The following ZNF503 variants were observed in gnomAD, a reference collection of about 807,000 sequenced individuals.
The protein encoded by ZNF503 is NocA-like zinc finger 2.
In ZNF503, 15 loss-of-function variants were observed where a neutral mutation model predicts 34.4. That is an observed-to-expected ratio of 0.44 (90% CI 0.29 to 0.67). The LOEUF (loss-of-function observed/expected upper bound fraction) is 0.67, where lower values mean the gene tolerates loss of function less well. ZNF503 is among the 30% of genes least tolerant of loss of function. The pLI is 0.13. For synonymous variants in ZNF503, 580 were observed against 456.8 expected (o/e 1.27, Z -3.44); for missense variants, 1,007 against 926.8 (o/e 1.09, Z -1.12).
the ZNF503 span, among the ~76,000 whole-genome samples, chr10:75,334,266 T>C: frequency 2.6e-5 from 4 of 152,234 alleles, no homozygotes; most frequent in Non-Finnish European, 5.9e-5. Context: ...AATTTTTCAA[T>C]TGATTATTTT....
chr10:75,337,400 G>A, the ZNF503 span, among the ~76,000 whole-genome samples: 3 of 151,430 alleles, frequency 2.0e-5, no homozygotes, highest in South Asian at 2.1e-4. Flanking sequence ...CGAGGTGGGC[G>A]GATCACGAGG....
At chr10:75,351,014 A>G in the ZNF503 span, among the ~76,000 whole-genome samples, 9 of 152,218 alleles carry the variant, frequency 5.9e-5, no homozygotes, top group African/African-American at 1.2e-4. Flanking sequence ...CAGATGAGTC[A>G]TCTACATCCT....
the ZNF503 span, among the ~76,000 whole-genome samples, chr10:75,360,114 C>CTTTTTTT: frequency 9.2e-6 from 1 of 108,488 alleles, no homozygotes; most frequent in African/African-American, 3.6e-5. Flanking sequence ...CCAAAGGTTT[C>CTTTTTTT]TTTTTTTTTT....
At chr10:75,340,747 C>T in the ZNF503 span, among the ~76,000 whole-genome samples, 8 of 152,184 alleles carry the variant, frequency 5.3e-5, no homozygotes, top group East Asian at 3.9e-4. Context: ...TACAGGCATG[C>T]GCCACCACGC....
chr10:75,384,740 C>T, the ZNF503 span, among the ~76,000 whole-genome samples: 1 of 152,170 alleles, frequency 6.6e-6, no homozygotes, highest in Admixed American at 6.5e-5. Flanking sequence ...GTTTGAGGAA[C>T]CCTGACTCCC....
chr10:75,398,921 C>G lies in ZNF503; in HGVS notation c.1769G>C (p.Arg590Pro). 6.3e-7 allele frequency: 1 copy of G among 1,578,540 alleles called. No individual in the cohort carries two copies. Among genetic ancestry groups the G allele is most frequent in the Non-Finnish European group, 8.6e-7 (1 of 1,165,682 alleles). The part of the protein sequence containing the change: ...APGSPGTLAL[R>P]SPHHALGLSS... ...GAGTCCCAGCGCGTGGTGGGGGCTGCGCAGCGCCAGCGTCCCAGGGCTGCC... is the reference window on the plus strand; with the variant it reads ...GAGTCCCAGCGCGTGGTGGGGGCTGGGCAGCGCCAGCGTCCCAGGGCTGCC... Residue 590 changes from arginine (R) to proline (P), a missense_variant, in exon 2 of 2, where the codon CGC (arginine) becomes CCC (proline). Physicochemically the swap from Arg to Pro is moderately radical, Grantham distance 103. Coordinates refer to ENST00000372524, the MANE Select transcript of ZNF503 (RefSeq NM_032772.6).
chr10:75,340,668 A>G, the ZNF503 span, among the ~76,000 whole-genome samples: 2 of 151,990 alleles, frequency 1.3e-5, no homozygotes, highest in Non-Finnish European at 2.9e-5. Context: ...GCATGATTTC[A>G]GCTCACTGCA....
the ZNF503 span, among the ~76,000 whole-genome samples, chr10:75,337,728 G>C: frequency 1.3e-5 from 2 of 152,194 alleles, no homozygotes; most frequent in African/African-American, 2.4e-5. Flanking sequence ...CCACAGGACT[G>C]ATGAAGCAGA....
the ZNF503 span, among the ~76,000 whole-genome samples, chr10:75,348,136 C>G: frequency 1.3e-5 from 2 of 152,154 alleles, no homozygotes; most frequent in Non-Finnish European, 2.9e-5. Context: ...AATCTCGGCT[C>G]ACTGCAACCT....
At chr10:75,396,103 C>T (rs575079475), downstream of ZNF503, among the ~76,000 whole-genome samples, 2 of 152,216 alleles carry the variant, frequency 1.3e-5, no homozygotes, top group East Asian at 1.9e-4. The surrounding 1 kb of genome is among the most constrained non-coding windows in gnomAD (Gnocchi z 4.4). Context: ...GAGCGTGGGA[C>T]CCCGGCTGCA....
chr10:75,327,300 A>T, the ZNF503 span, among the ~76,000 whole-genome samples: 1 of 129,730 alleles, frequency 7.7e-6, no homozygotes, highest in Non-Finnish European at 1.5e-5. Flanking sequence ...TCTGCTCTCT[A>T]CCTCTGTGAA....
At chr10:75,287,746 C>T in the ZNF503 span, among the ~76,000 whole-genome samples, 1 of 152,222 alleles carries the variant, frequency 6.6e-6, no homozygotes, top group Non-Finnish European at 1.5e-5. Context: ...TCCCTCCGCC[C>T]AGCTTTTCCT....
At chr10:75,391,220 C>G in the ZNF503 span, among the ~76,000 whole-genome samples, 2 of 152,146 alleles carry the variant, frequency 1.3e-5, no homozygotes, top group Non-Finnish European at 2.9e-5. Flanking sequence ...TCTCTTACAG[C>G]TATATGTGGC....
rs1358394968 is a variant in ZNF503 at position 75,398,117 on chromosome 10, A to AAG, written c.*631_*632insCT. The AAG allele has an allele frequency of 9.2e-5, 14 of 152,422 alleles. No individual in the cohort carries two copies. The highest frequency in any genetic ancestry group is 2.1e-4 in the Non-Finnish European group (14 of 68,028). 9.4% of individuals were successfully genotyped at this position (152,422 alleles called of 1,614,324 possible). A position where few individuals can be genotyped will look rare whatever the true frequency, so the allele number is the denominator to read the frequency against. ...CACCTTAAAAATAATTGCAATTTGA[A>AAG]ATCAGAGCTGACAAATTGTGACTTT... On this transcript the variant is annotated 3_prime_UTR_variant, in exon 2 of 2. Transcript: ENST00000372524.
chr10:75,348,878 A>G, the ZNF503 span, among the ~76,000 whole-genome samples: 1 of 152,302 alleles, frequency 6.6e-6, no homozygotes, highest in East Asian at 1.9e-4. Flanking sequence ...AAAATTGCAA[A>G]TCTATAAAAT....
the ZNF503 span, among the ~76,000 whole-genome samples, chr10:75,376,247 T>A: frequency 6.6e-6 from 1 of 152,198 alleles, no homozygotes; most frequent in African/African-American, 2.4e-5. Context: ...GGGCTTGTAA[T>A]CTGTGCCTGG....
At chr10:75,320,560 G>C in the ZNF503 span, among the ~76,000 whole-genome samples, 2 of 152,176 alleles carry the variant, frequency 1.3e-5, no homozygotes, top group Non-Finnish European at 2.9e-5. Context: ...GCTTATGCCT[G>C]TAATCCTAGC....
chr10:75,287,439 C>A, the ZNF503 span, among the ~76,000 whole-genome samples: 1 of 152,164 alleles, frequency 6.6e-6, no homozygotes, highest in African/African-American at 2.4e-5. Flanking sequence ...GCTCCCCATC[C>A]TTTCCTGACC....
chr10:75,362,771 G>T, the ZNF503 span, among the ~76,000 whole-genome samples: 1 of 152,102 alleles, frequency 6.6e-6, no homozygotes, highest in Non-Finnish European at 1.5e-5. Context: ...TCACCAATTT[G>T]TCCCATCAGA....
Sources: allele counts gnomAD v4.1 joint callset (sites outside exome capture counted in the v4.1 genomes callset), GRCh38; gene constraint gnomAD v4.1.1; non-coding constraint Gnocchi (gnomAD v3.1); transcripts MANE v1.5; gene names NCBI Gene and HGNC (gene_info 2026-07-23, HGNC 2026-07-21).